BRI3: variants seen among roughly 807,000 people sequenced by gnomAD.
BRI3 encodes brain protein I3, also known as membrane protein BRI3.
BRI3 carries 6 observed loss-of-function variants against 12.8 expected under a neutral mutation model. The ratio of observed to expected loss-of-function variants is 0.47; its 90% confidence interval spans 0.26 to 0.93. BRI3 has a LOEUF of 0.93. Ranked by LOEUF, BRI3 falls within the 40% of genes least tolerant of loss-of-function variation. The pLI, the probability that BRI3 is intolerant of heterozygous loss-of-function variation, is 0.15. For synonymous variants in BRI3, 91 were observed against 76.1 expected, an observed-to-expected ratio of 1.20 and a Z score of -1.02; for missense variants, 134 against 171.1, an observed-to-expected ratio of 0.78 and a Z score of 1.21.
downstream of BRI3, chr7:98,293,256 C>A: frequency 2.6e-6 from 1 of 379,732 alleles, no homozygotes; most frequent in Non-Finnish European, 4.7e-6. Context: ...AGATTGAAAC[C>A]AAGTTTACTG....
downstream of BRI3, among the ~76,000 whole-genome samples, chr7:98,311,799 A>G (rs1296201618): frequency 1.3e-5 from 2 of 152,026 alleles, no homozygotes; most frequent in Admixed American, 6.6e-5. Flanking sequence ...CCAGCTACTG[A>G]GGAGGCTGAG....
At chr7:98,282,608 A>G in intron 2 of BRI3, 155 bp downstream of exon 2, 2 of 650,222 alleles carry the variant, frequency 3.1e-6, no homozygotes, top group Non-Finnish European at 5.4e-6. Context: ...GGCTGCCCGA[A>G]TGCGGTGTGG....
chr7:98,302,928 A>G (rs796548075), upstream of BRI3, among the ~76,000 whole-genome samples: 55 of 152,206 alleles, frequency 3.6e-4, 1 homozygote, highest in African/African-American at 1.3e-3. Context: ...GGGACTACAG[A>G]CATGTGCCAC....
chr7:98,292,711 G>A, downstream of BRI3: 2 of 1,551,650 alleles, frequency 1.3e-6, no homozygotes, highest in Middle Eastern at 1.7e-4. Flanking sequence ...GAGAAACCAG[G>A]ACCCCGAGCA....
chr7:98,311,276 G>T (rs1800857511), downstream of BRI3, among the ~76,000 whole-genome samples: 1 of 152,126 alleles, frequency 6.6e-6, no homozygotes, highest in Admixed American at 6.6e-5. Context: ...GGGTGCAGTG[G>T]CTCACGCCTG....
intron 1 of BRI3, among the ~76,000 whole-genome samples, chr7:98,301,469 T>A (rs936073715): frequency 8.1e-6 from 1 of 123,026 alleles, no homozygotes; most frequent in Non-Finnish European, 1.8e-5. Context: ...TAGCTTTTTT[T>A]TTTTGGTATA....
the BRI3 span, among the ~76,000 whole-genome samples, chr7:98,322,152 C>T: frequency 6.6e-6 from 1 of 151,966 alleles, no homozygotes; most frequent in African/African-American, 2.4e-5. Flanking sequence ...GGGGAGGAAT[C>T]GGAATGAGGA....
the BRI3 span, chr7:98,317,451 C>T: frequency 2.4e-4 from 354 of 1,491,626 alleles, 1 homozygote; most frequent in African/African-American, 4.0e-3. Flanking sequence ...TGTGGCTCAA[C>T]GGGGCCCTGA....
At chr7:98,294,879 TGCCACCCAGG>T (rs781571842), downstream of BRI3, among the ~76,000 whole-genome samples, 1 of 152,206 alleles carries the variant, frequency 6.6e-6, no homozygotes, top group Non-Finnish European at 1.5e-5. Context: ...TTCCAGCACC[TGCCACCCAGG>T]GCGAGCCAGG....
upstream of BRI3, chr7:98,304,266 C>T: frequency 6.2e-7 from 1 of 1,613,668 alleles, no homozygotes; most frequent in East Asian, 2.2e-5. Flanking sequence ...ATCTGCTCTC[C>T]TGTCGGCAGC....
chr7:98,313,363 TAAGAA>T (rs1800948287), downstream of BRI3, among the ~76,000 whole-genome samples: 1 of 152,134 alleles, frequency 6.6e-6, no homozygotes, highest in Non-Finnish European at 1.5e-5. Flanking sequence ...TGGTTAAGTC[TAAGAA>T]AGACTCTGCT....
rs1180016499 is a variant in BRI3, at chr7:98,282,610, G to A, written c.245+157G>A. ...GGAGGGACAGACAGGCTGCCCGAAT[G>A]CGGTGTGGGAGAGTGCGGGTCCGCT... On this transcript the variant is annotated intron_variant, in intron 2 of 2. Coordinates refer to ENST00000297290, the MANE Select transcript of BRI3 (RefSeq NM_015379.5). 8 of 647,640 alleles carry A rather than the reference G, an allele frequency of 1.2e-5. No individual in the cohort carries two copies. The Admixed American group carries it at 1.6e-4, about 13-fold the overall frequency. The allele number at this position is 647,640 out of a possible 1,614,324, so 40.1% of individuals were successfully genotyped here.
intron 2 of BRI3, among the ~76,000 whole-genome samples, chr7:98,288,818 A>G (rs962026184): frequency 1.3e-5 from 2 of 151,112 alleles, no homozygotes; most frequent in Non-Finnish European, 3.0e-5. Flanking sequence ...CTGGTTTTGA[A>G]CTGCTGGCTT....
downstream of BRI3, among the ~76,000 whole-genome samples, chr7:98,293,780 C>CCA (rs1387987086): frequency 3.3e-5 from 5 of 152,252 alleles, no homozygotes; most frequent in Non-Finnish European, 2.9e-5. Flanking sequence ...CTACACCATA[C>CCA]CACCTGCTGC....
chr7:98,290,479 G>A (rs1416422002), intron 2 of BRI3, among the ~76,000 whole-genome samples: 1 of 151,572 alleles, frequency 6.6e-6, no homozygotes, highest in Non-Finnish European at 1.5e-5. Flanking sequence ...ACAGGCGTGA[G>A]CCACCGCGCC....
intron 1 of BRI3, among the ~76,000 whole-genome samples, 172 bp from the exon 2 acceptor site, chr7:98,282,179 C>T (rs2116692854): frequency 6.6e-6 from 1 of 152,324 alleles, no homozygotes; most frequent in South Asian, 2.1e-4. Flanking sequence ...TGTCACGAGG[C>T]GCTCGCTGTT....
the BRI3 span, among the ~76,000 whole-genome samples, chr7:98,321,201 C>G: frequency 6.6e-6 from 1 of 152,106 alleles, no homozygotes; most frequent in Non-Finnish European, 1.5e-5. Context: ...AAGCCAAGTT[C>G]TATATATCTG....
At chr7:98,308,129 C>A in exon 2 of BRI3, 2 of 652,124 alleles carry the variant, frequency 3.1e-6, no homozygotes, top group South Asian at 3.0e-5. Flanking sequence ...GAAGAGGATC[C>A]CTGCGGCTGC....
intron 2 of BRI3, among the ~76,000 whole-genome samples, chr7:98,285,472 T>C (rs1211888398): frequency 1.3e-5 from 2 of 152,222 alleles, no homozygotes; most frequent in African/African-American, 4.8e-5. Flanking sequence ...GTATGGCCTG[T>C]GGGCTGTCCC....
Sources: gnomAD v4.1 joint callset for allele counts (sites outside exome capture counted in the v4.1 genomes callset) on GRCh38, gnomAD v4.1.1 for gene constraint, MANE v1.5 for transcripts, NCBI Gene and HGNC (gene_info 2026-07-23, HGNC 2026-07-21) for gene names.